The following KCNU1 variants were observed in gnomAD, a reference collection of about 807,000 sequenced individuals.
The protein encoded by KCNU1 is potassium calcium-activated channel subfamily U member 1.
Under a neutral mutation model 126.8 loss-of-function variants are expected in KCNU1, and 93 were observed. That is an observed-to-expected ratio of 0.73 (90% CI 0.62 to 0.87). The LOEUF is 0.87. Among genes scored for constraint, KCNU1 ranks in the 40% least tolerant of loss-of-function variants. The pLI is 0.00. For synonymous variants in KCNU1, 523 were observed against 494.2 expected (o/e 1.06, Z -0.77); for missense variants, 1,330 against 1,367.1 (o/e 0.97, Z 0.43).
At position 36,809,814 on chromosome 8, in the gene KCNU1, A is replaced by C. The variant is rs564115597; in HGVS notation, c.732+1021A>C. 2.1e-3 allele frequency among the ~76,000 whole-genome samples: 320 copies of C among 152,296 alleles called. 1 individual carries two copies. Among genetic ancestry groups the C allele is most frequent in the African/African-American group, 7.4e-3 (308 of 41,572 alleles). On this transcript the variant is annotated intron_variant, in intron 7 of 26. Transcript: ENST00000399881. ...TTCTTTTTCCTTTAATAGCTGTTTCAATGAGGGGCTCAAAGGCTTAATGTG... is the reference window on the plus strand; with the variant it reads ...TTCTTTTTCCTTTAATAGCTGTTTCCATGAGGGGCTCAAAGGCTTAATGTG...
intron 19 of KCNU1, among the ~76,000 whole-genome samples, chr8:36,904,637 A>G (rs1807550366): frequency 6.6e-6 from 1 of 152,096 alleles, no homozygotes; most frequent in Admixed American, 6.5e-5. Flanking sequence ...CATGTGACTA[A>G]TTTTGGCCAA....
intron 22 of KCNU1, among the ~76,000 whole-genome samples, chr8:36,913,216 A>AT (rs1278038609): frequency 4.6e-5 from 7 of 152,024 alleles, no homozygotes; most frequent in African/African-American, 1.4e-4. Flanking sequence ...AAAAATATTG[A>AT]TTTTTTATGA....
At chr8:36,905,632 A>G in intron 19 of KCNU1, 76 bp from the exon 20 acceptor site, 2 of 817,860 alleles carry the variant, frequency 2.4e-6, no homozygotes, top group South Asian at 2.7e-5. Flanking sequence ...CAAGGCTCTA[A>G]TGAGTTTTAC....
At chr8:36,838,675 C>A (rs144076391) in intron 14 of KCNU1, among the ~76,000 whole-genome samples, 3 of 151,746 alleles carry the variant, frequency 2.0e-5, no homozygotes, top group African/African-American at 7.3e-5. Flanking sequence ...CCAGCCTCAG[C>A]GACAGAGTGA....
intron 19 of KCNU1, among the ~76,000 whole-genome samples, chr8:36,878,142 G>A (rs1291058255): frequency 6.6e-6 from 1 of 152,086 alleles, no homozygotes; most frequent in Non-Finnish European, 1.5e-5. Context: ...CTCTTATGTG[G>A]TATTTTAAAA....
At chr8:36,884,168 T>C (rs1194503919) in intron 19 of KCNU1, among the ~76,000 whole-genome samples, 1 of 151,740 alleles carries the variant, frequency 6.6e-6, no homozygotes, top group Non-Finnish European at 1.5e-5. Flanking sequence ...TCTGATAGAA[T>C]AAGGATAAGT....
Position 36,840,481 on chromosome 8 carries a change from TG to T in KCNU1, c.1539del (p.Trp513Ter). ...ATTCCAGGTTATGCCTAAACAGACC[TG>T]GAAGAAACACTTCTTGAATAGCATG... ...QNKKVMPKQTWKKHFLNSMKN... is the reference protein window; with the variant it reads ...QNKKVMPKQTXKKHFLNSMKN... On this transcript the variant is annotated frameshift_variant, in exon 15 of 27. Transcript: ENST00000399881. LOFTEE classifies it high-confidence loss of function. 1 of 1,600,532 alleles carries T rather than the reference TG, an allele frequency of 6.2e-7. No homozygotes were observed. Among genetic ancestry groups the T allele is most frequent in the Non-Finnish European group, 8.6e-7 (1 of 1,168,600 alleles).
At chr8:36,803,556 A>G (rs1803388181) in intron 2 of KCNU1, among the ~76,000 whole-genome samples, 1 of 152,158 alleles carries the variant, frequency 6.6e-6, no homozygotes, top group Admixed American at 6.5e-5. Context: ...CCTTTAGGGA[A>G]CACATGTCTG....
intron 18 of KCNU1, among the ~76,000 whole-genome samples, chr8:36,858,160 A>G (rs934183824): frequency 1.4e-5 from 2 of 146,170 alleles, no homozygotes; most frequent in African/African-American, 5.1e-5. Context: ...AAAGTCTAAG[A>G]CAATTTCAAG....
At chr8:36,828,786 G>A (rs1804418701) in intron 10 of KCNU1, among the ~76,000 whole-genome samples, 1 of 152,052 alleles carries the variant, frequency 6.6e-6, no homozygotes, top group Non-Finnish European at 1.5e-5. Context: ...GTACGTGTGT[G>A]TGCTTAATAG....
Position 36,936,029 on chromosome 8 carries a change from C to T in KCNU1, c.*109C>T. 1 of 1,028,306 alleles carries T rather than the reference C, an allele frequency of 9.7e-7. No individual in the cohort carries two copies. Among genetic ancestry groups the T allele is most frequent in the East Asian group, 2.5e-5 (1 of 40,398 alleles). The allele number at this position is 1,028,306 out of a possible 1,614,324, so 63.7% of individuals were successfully genotyped here. On this transcript the variant is annotated 3_prime_UTR_variant, in exon 27 of 27. Coordinates refer to ENST00000399881, the MANE Select transcript of KCNU1 (RefSeq NM_001031836.3). ...AATGGAAGCATGCCATTTTTCTGCC[C>T]ATTGCTTAGTGGTTCATGAAGGCCA...
intron 19 of KCNU1, among the ~76,000 whole-genome samples, chr8:36,875,066 G>A (rs1174802369): frequency 6.6e-6 from 1 of 151,926 alleles, no homozygotes; most frequent in Non-Finnish European, 1.5e-5. Context: ...AGGTACCAGT[G>A]GGGAAAAAGC....
intron 18 of KCNU1, among the ~76,000 whole-genome samples, chr8:36,849,723 C>T (rs1432554688): frequency 6.6e-6 from 1 of 152,144 alleles, no homozygotes; most frequent in East Asian, 1.9e-4. Flanking sequence ...ATACATTTAT[C>T]TATTGATGGA....
chr8:36,883,918 CATA>C (rs1292125839), intron 19 of KCNU1, among the ~76,000 whole-genome samples: 3 of 152,178 alleles, frequency 2.0e-5, no homozygotes, highest in African/African-American at 7.2e-5. Context: ...AAAAAGTTAT[CATA>C]AACTCACTAA....
At chr8:36,893,144 GTTTT>G (rs34766611) in intron 19 of KCNU1, among the ~76,000 whole-genome samples, 1 of 144,590 alleles carries the variant, frequency 6.9e-6, no homozygotes, top group African/African-American at 2.5e-5. Flanking sequence ...GTTTTTTTTT[GTTTT>G]TTTTTTGTAA....
intron 10 of KCNU1, among the ~76,000 whole-genome samples, chr8:36,825,202 T>C (rs1220423353): frequency 6.6e-6 from 1 of 152,186 alleles, no homozygotes; most frequent in Non-Finnish European, 1.5e-5. Context: ...GTGGTACTTC[T>C]TGTGGTTTTA....
chr8:36,898,475 C>T (rs530554920), intron 19 of KCNU1, among the ~76,000 whole-genome samples: 1 of 151,898 alleles, frequency 6.6e-6, no homozygotes, highest in Admixed American at 6.6e-5. Flanking sequence ...AACTCAATCC[C>T]ATAAAACCTT....
chr8:36,867,053 A>C (rs1302744642), intron 19 of KCNU1, among the ~76,000 whole-genome samples: 1 of 152,130 alleles, frequency 6.6e-6, no homozygotes, highest in African/African-American at 2.4e-5. Flanking sequence ...CTTTCCTAAA[A>C]AGTACAAGGG....
intron 18 of KCNU1, among the ~76,000 whole-genome samples, chr8:36,850,812 T>G (rs1296774002): frequency 1.3e-5 from 2 of 152,202 alleles, no homozygotes; most frequent in African/African-American, 2.4e-5. Context: ...GATCCAACTT[T>G]ACTCTTTTCA....
Sources: gnomAD v4.1 joint callset for allele counts (sites outside exome capture counted in the v4.1 genomes callset) on GRCh38, gnomAD v4.1.1 for gene constraint, MANE v1.5 for transcripts, NCBI Gene and HGNC (gene_info 2026-07-23, HGNC 2026-07-21) for gene names.